Variants in SPAG16 observed in about 807,000 individuals in gnomAD.
SPAG16 encodes the protein sperm associated antigen 16.
Under a neutral mutation model 80.4 loss-of-function variants are expected in SPAG16, and 86 were observed. The ratio of observed to expected loss-of-function variants is 1.07; its 90% CI spans 0.90 to 1.28. The LOEUF (loss-of-function observed/expected upper bound fraction) is 1.28, where lower values mean the gene tolerates loss of function less well. SPAG16 is among the 50% of genes most tolerant of loss of function. SPAG16 has a pLI of 0.00. For missense variants in SPAG16, 870 were observed against 765.3 expected (o/e 1.14, Z -1.61); for synonymous variants, 294 against 265.9 (o/e 1.11, Z -1.03).
rs10582370 is a variant in SPAG16, at chr2:213,626,641, ATTTT to A, written c.1070+136573_1070+136576del. On this transcript the variant is annotated intron_variant, in intron 10 of 15. Transcript: ENST00000331683. ...CTAGATATTATTACTATCGGGCTCA[ATTTT>A]TTTTTTTTTTTTTTTTTTTTTGAAG... is the stretch of plus-strand genomic sequence containing the variant. 8.5e-3 allele frequency among the ~76,000 whole-genome samples: 837 copies of A among 98,936 alleles called. 6 individuals are homozygous for A. The highest frequency in any genetic ancestry group is 0.031 in the African/African-American group (777 of 25,402). The allele number at this position is 98,936 out of a possible 152,430, so 64.9% of individuals were successfully genotyped here.
chr2:213,618,543 A>G (rs1015542524), intron 10 of SPAG16, among the ~76,000 whole-genome samples: 1 of 152,170 alleles, frequency 6.6e-6, no homozygotes, highest in African/African-American at 2.4e-5. Flanking sequence ...TTGTTACTTA[A>G]ATCCAAAGCT....
chr2:213,689,274 T>G (rs897209148), intron 10 of SPAG16, among the ~76,000 whole-genome samples: 1 of 152,198 alleles, frequency 6.6e-6, no homozygotes, highest in African/African-American at 2.4e-5. Flanking sequence ...TATTCTTGTC[T>G]AATTTTATCA....
chr2:213,918,242 A>G (rs1373672458), intron 11 of SPAG16, among the ~76,000 whole-genome samples: 1 of 152,050 alleles, frequency 6.6e-6, no homozygotes, highest in Non-Finnish European at 1.5e-5. Context: ...TTTTTGTTGT[A>G]TCTCTGACAT....
At chr2:213,879,632 C>G (rs1487014754) in intron 11 of SPAG16, among the ~76,000 whole-genome samples, 1 of 151,704 alleles carries the variant, frequency 6.6e-6, no homozygotes, top group Non-Finnish European at 1.5e-5. Context: ...ATGACCTTCT[C>G]CCTCCCTCCC....
At position 213,777,349 on chromosome 2, in the gene SPAG16, A is replaced by G. The variant is rs150226944; in HGVS notation, c.1071-85136A>G. On this transcript the variant is annotated intron_variant, in intron 10 of 15. Coordinates refer to ENST00000331683, the MANE Select transcript of SPAG16 (RefSeq NM_024532.5). ...GCAACCTCCACCTCCCAGGTTCAAG[A>G]GATTCTCCCACCTCAGCTTCCTGAG... 4.6e-3 allele frequency among the ~76,000 whole-genome samples: 671 copies of G among 147,014 alleles called. 5 individuals are homozygous for G. The highest frequency in any genetic ancestry group is 0.015 in the African/African-American group (609 of 39,552).
intron 12 of SPAG16, among the ~76,000 whole-genome samples, chr2:213,992,505 T>A (rs1478520883): frequency 6.6e-6 from 1 of 152,224 alleles, no homozygotes; most frequent in Non-Finnish European, 1.5e-5. Flanking sequence ...ATATATCCAT[T>A]TTTAAAATTA....
chr2:213,693,508 A>G (rs2065032336), intron 10 of SPAG16, among the ~76,000 whole-genome samples: 2 of 152,222 alleles, frequency 1.3e-5, no homozygotes, highest in Admixed American at 1.3e-4. Context: ...AAACAAAACA[A>G]TAATGGCCAT....
intron 15 of SPAG16, among the ~76,000 whole-genome samples, chr2:214,180,807 A>G (rs1232001030): frequency 6.6e-6 from 1 of 151,734 alleles, no homozygotes; most frequent in South Asian, 2.1e-4. Flanking sequence ...TATTTTCGGA[A>G]TAATTAACAA....
intron 15 of SPAG16, among the ~76,000 whole-genome samples, chr2:214,172,996 A>G (rs889080731): frequency 6.6e-6 from 1 of 151,854 alleles, no homozygotes; most frequent in Non-Finnish European, 1.5e-5. Context: ...TCTGGATATT[A>G]GCCCTTTGTC....
chr2:214,205,882 A>G (rs1026844311), intron 15 of SPAG16, among the ~76,000 whole-genome samples: 1 of 152,050 alleles, frequency 6.6e-6, no homozygotes, highest in Non-Finnish European at 1.5e-5. Flanking sequence ...TCTTTTAGCT[A>G]TTTTGAAATG....
At chr2:214,385,578 T>G (rs1413856512) in intron 15 of SPAG16, among the ~76,000 whole-genome samples, 2 of 152,236 alleles carry the variant, frequency 1.3e-5, no homozygotes, top group Non-Finnish European at 2.9e-5. Flanking sequence ...GCACAGTGGC[T>G]TACACCTGTA....
intron 8 of SPAG16, among the ~76,000 whole-genome samples, chr2:213,369,484 T>A (rs1456649770): frequency 6.6e-6 from 1 of 152,194 alleles, no homozygotes; most frequent in Admixed American, 6.5e-5. Context: ...CATGCCTGTT[T>A]ATATTTGTCA....
intron 13 of SPAG16, among the ~76,000 whole-genome samples, chr2:214,094,652 A>G (rs1269162608): frequency 6.6e-6 from 1 of 152,102 alleles, no homozygotes; most frequent in Admixed American, 6.6e-5. Flanking sequence ...CTACTCACAG[A>G]ACTTACACAA....
chr2:213,956,021 A>G (rs900675772), intron 12 of SPAG16, among the ~76,000 whole-genome samples: 1 of 151,878 alleles, frequency 6.6e-6, no homozygotes, highest in Non-Finnish European at 1.5e-5. Context: ...CCCAGGCAAC[A>G]ATCTCGGCTC....
intron 11 of SPAG16, among the ~76,000 whole-genome samples, chr2:213,898,979 G>A (rs766479467): frequency 1.1e-4 from 17 of 152,072 alleles, no homozygotes; most frequent in South Asian, 6.2e-4. Context: ...ATCTGTTGCC[G>A]CAGGGAATGA....
chr2:214,367,225 C>T (rs1217074209), intron 15 of SPAG16, among the ~76,000 whole-genome samples: 4 of 152,078 alleles, frequency 2.6e-5, no homozygotes, highest in African/African-American at 7.2e-5. Flanking sequence ...TTTTAAAAAC[C>T]AAACGGCTAG....
chr2:214,014,148 G>A (rs191810827), intron 13 of SPAG16, 71 bp downstream of exon 13: 19 of 1,562,678 alleles, frequency 1.2e-5, no homozygotes, highest in Admixed American at 3.5e-5. Flanking sequence ...CTTTGGGTAT[G>A]GAATATGACT....
At chr2:213,958,312 G>A (rs2044248172) in intron 12 of SPAG16, among the ~76,000 whole-genome samples, 1 of 152,106 alleles carries the variant, frequency 6.6e-6, no homozygotes. Context: ...AGTGGGTCAG[G>A]TAGGTTATAT....
intron 12 of SPAG16, among the ~76,000 whole-genome samples, chr2:213,986,554 A>C (rs1226640343): frequency 1.3e-5 from 2 of 152,022 alleles, no homozygotes; most frequent in Non-Finnish European, 2.9e-5. Flanking sequence ...AACCATATAA[A>C]ATGTCTTATT....
Sources: gnomAD v4.1 joint callset for allele counts (sites outside exome capture counted in the v4.1 genomes callset) on GRCh38, gnomAD v4.1.1 for gene constraint, MANE v1.5 for transcripts, NCBI Gene and HGNC (gene_info 2026-07-23, HGNC 2026-07-21) for gene names.